The following USP18 variants were observed in gnomAD, a reference collection of about 807,000 sequenced individuals.
USP18 encodes ubiquitin specific peptidase 18.
USP18 carries 11 observed loss-of-function variants against 48.7 expected under a neutral mutation model. The ratio of observed to expected loss-of-function variants is 0.23; its 90% CI spans 0.14 to 0.37. USP18 has a LOEUF of 0.37. USP18 is among the 10% of genes least tolerant of loss of function. The pLI is 1.00. For missense variants in USP18, 285 were observed against 436.4 expected (o/e 0.65, Z 3.09); for synonymous variants, 114 against 163.2 (o/e 0.70, Z 2.30).
chr22:18,169,251 G>A (rs144613071), intron 6 of USP18, among the ~76,000 whole-genome samples: 11,557 of 151,824 alleles, frequency 0.076, 562 homozygotes, highest in South Asian at 0.11. Flanking sequence ...CTTTGTGACA[G>A]TGAGCTCTCA....
Position 18,157,767 on chromosome 22 carries a change from A to T in USP18, c.104A>T (p.Asn35Ile). Residue 35 changes from asparagine (N) to isoleucine (I), a missense_variant, in exon 2 of 11, where the codon AAC becomes ATC. Asn to Ile is a moderately radical substitution (Grantham distance 149, BLOSUM62 -3). Around this residue, in one of 5 missense-constraint regions of USP18, gnomAD observed 199 missense variants for 239.6 expected, o/e 0.83. Transcript: ENST00000215794. ...GAAGAAAAGAAGGAAGAAGACAGCAACATGAAGAGAGAGCAGCCCAGAGAG... is the reference window on the plus strand; with the variant it reads ...GAAGAAAAGAAGGAAGAAGACAGCATCATGAAGAGAGAGCAGCCCAGAGAG... ...DLEEKKEEDS[N>I]MKREQPRERP... 6.2e-7 allele frequency: 1 copy of T among 1,614,144 alleles called. No homozygotes were observed. Among genetic ancestry groups the T allele is most frequent in the Non-Finnish European group, 8.5e-7 (1 of 1,180,012 alleles).
chr22:18,173,459 C>T (rs1929695327), intron 9 of USP18, among the ~76,000 whole-genome samples, 178 bp downstream of exon 9: 1 of 152,096 alleles, frequency 6.6e-6, no homozygotes, highest in Non-Finnish European at 1.5e-5. Flanking sequence ...GTGGTTTGCA[C>T]CTCTGTAAGG....
chr22:18,162,759 C>T (rs556124669), intron 4 of USP18, among the ~76,000 whole-genome samples: 3 of 152,264 alleles, frequency 2.0e-5, no homozygotes, highest in Admixed American at 1.3e-4. Context: ...TTAGATGGGA[C>T]AGCCTACTAC....
intron 7 of USP18, among the ~76,000 whole-genome samples, chr22:18,170,482 C>T (rs1170734741): frequency 3.3e-5 from 5 of 152,222 alleles, no homozygotes; most frequent in Admixed American, 6.5e-5. Flanking sequence ...GAGACCAGCT[C>T]CCTGGAGCAG....
chr22:18,163,780 T>C (rs1602526408), intron 4 of USP18, among the ~76,000 whole-genome samples: 1 of 152,226 alleles, frequency 6.6e-6, no homozygotes, highest in Non-Finnish European at 1.5e-5. Flanking sequence ...CCCTTTGTGT[T>C]GTCCAGACTG....
At chr22:18,157,107 C>T (rs1405001848) in intron 1 of USP18, among the ~76,000 whole-genome samples, 1 of 152,262 alleles carries the variant, frequency 6.6e-6, no homozygotes, top group Non-Finnish European at 1.5e-5. Flanking sequence ...GTTTATCTGA[C>T]TGCTGCAGCT....
intron 3 of USP18, among the ~76,000 whole-genome samples, chr22:18,160,828 G>A (rs1929311606): frequency 1.4e-5 from 2 of 147,158 alleles, no homozygotes; most frequent in Admixed American, 6.8e-5. Flanking sequence ...GGAGTGCGAC[G>A]GTGCAATCTC....
At chr22:18,172,775 T>C (rs1401837630) in intron 8 of USP18, among the ~76,000 whole-genome samples, 3 of 150,964 alleles carry the variant, frequency 2.0e-5, no homozygotes, top group South Asian at 4.3e-4. Context: ...CCCCTCCCCC[T>C]ACAAAAGACT....
At chr22:18,155,558 G>A (rs192023452) in intron 1 of USP18, among the ~76,000 whole-genome samples, 97 of 152,322 alleles carry the variant, frequency 6.4e-4, no homozygotes, top group Middle Eastern at 3.4e-3. Context: ...GGCTGCACGC[G>A]GTGCTTGTGG....
chr22:18,155,384 C>T (rs1037660749), intron 1 of USP18, among the ~76,000 whole-genome samples: 5 of 152,226 alleles, frequency 3.3e-5, no homozygotes, highest in African/African-American at 9.6e-5. Flanking sequence ...AGCCCTCGCT[C>T]GCTCTCGGTG....
intron 1 of USP18, among the ~76,000 whole-genome samples, chr22:18,151,262 A>G (rs1004020531): frequency 2.6e-5 from 4 of 152,216 alleles, no homozygotes; most frequent in Non-Finnish European, 5.9e-5. Context: ...ACAAAACTCC[A>G]TTTTGAGACC....
chr22:18,160,300 G>T (rs1473257860), intron 3 of USP18, 32 bp downstream of exon 3: 1 of 1,611,920 alleles, frequency 6.2e-7, no homozygotes, highest in Non-Finnish European at 8.5e-7. Context: ...ATGAGCATTT[G>T]TATTATTTCT....
intron 8 of USP18, among the ~76,000 whole-genome samples, chr22:18,171,616 G>T (rs112627257): frequency 0.019 from 2,820 of 151,782 alleles, 94 homozygotes; most frequent in African/African-American, 0.065. Context: ...GGGCAACAGC[G>T]CAAGACCCCG....
chr22:18,171,873 G>A (rs1453613686), intron 8 of USP18, among the ~76,000 whole-genome samples: 2 of 152,036 alleles, frequency 1.3e-5, no homozygotes, highest in East Asian at 1.9e-4. Context: ...TACTTAGGCC[G>A]TATACATTTC....
At chr22:18,172,050 G>T (rs1210474676) in intron 8 of USP18, among the ~76,000 whole-genome samples, 2 of 152,142 alleles carry the variant, frequency 1.3e-5, no homozygotes. Flanking sequence ...AGGATTGCTG[G>T]AGTCCAGGAG....
Position 18,169,692 on chromosome 22 carries a change from T to C in USP18, c.628-152T>C, listed in dbSNP as rs374600260. The stretch of plus-strand genomic sequence containing the variant: ...AAGCAGATGCTGCCATGCTTCCGGT[T>C]GGCCTGCAGAACCATGGGCCAATCA... On this transcript the variant is annotated intron_variant, in intron 6 of 10. Transcript: ENST00000215794. 1,250 of 996,972 alleles carry C rather than the reference T, an allele frequency of 1.3e-3. 13 individuals are homozygous for C. The East Asian group carries it at 0.016, about 13-fold the overall frequency. The allele number at this position is 996,972 out of a possible 1,614,324, so 61.8% of individuals were successfully genotyped here.
At chr22:18,164,111 A>T (rs1332576432) in intron 4 of USP18, among the ~76,000 whole-genome samples, 1 of 152,198 alleles carries the variant, frequency 6.6e-6, no homozygotes, top group Non-Finnish European at 1.5e-5. Context: ...TTAGAGACGG[A>T]CAGGTTAGTT....
At chr22:18,162,221 G>A (rs1929352974) in intron 4 of USP18, among the ~76,000 whole-genome samples, 1 of 151,004 alleles carries the variant, frequency 6.6e-6, no homozygotes, top group Non-Finnish European at 1.5e-5. Flanking sequence ...GGGAACTGCA[G>A]GAAAACAGAA....
intron 1 of USP18, among the ~76,000 whole-genome samples, chr22:18,156,815 G>C (rs1054942976): frequency 2.0e-5 from 3 of 152,176 alleles, no homozygotes; most frequent in African/African-American, 2.4e-5. Context: ...TCACTGCGAG[G>C]GTCCACGGCT....
Sources: allele counts gnomAD v4.1 joint callset (sites outside exome capture counted in the v4.1 genomes callset), GRCh38; gene constraint gnomAD v4.1.1; regional missense constraint gnomAD v4.1.1; transcripts MANE v1.5; gene names NCBI Gene and HGNC (gene_info 2026-07-23, HGNC 2026-07-21).